The following MMEL1 variants were observed in gnomAD, a reference collection of about 807,000 sequenced individuals.
MMEL1 encodes the protein membrane metallo-endopeptidase-like 1.
A neutral mutation model predicts 117.1 loss-of-function variants in MMEL1; 98 were observed. That is an observed-to-expected ratio of 0.84 (90% CI 0.71 to 0.99). The LOEUF (loss-of-function observed/expected upper bound fraction) is 0.99, where lower values mean the gene tolerates loss of function less well. Among genes scored for constraint, MMEL1 ranks in the 50% least tolerant of loss-of-function variants. The probability of loss-of-function intolerance (pLI) is 0.00; values close to 1 mark genes in which losing one functional copy is unlikely to be tolerated. For synonymous variants in MMEL1, 390 were observed against 415.1 expected (o/e 0.94, Z 0.74); for missense variants, 1,014 against 1,049.1 (o/e 0.97, Z 0.46).
chr1:2,599,856 C>CAA (rs150372081), intron 11 of MMEL1, among the ~76,000 whole-genome samples: 4,429 of 126,436 alleles, frequency 0.035, 233 homozygotes, highest in African/African-American at 0.12. Context: ...GACTTTGTCT[C>CAA]AAAAAAAAAA....
At chr1:2,604,921 A>G (rs1644997469) in intron 9 of MMEL1, among the ~76,000 whole-genome samples, 2 of 152,110 alleles carry the variant, frequency 1.3e-5, no homozygotes, top group Admixed American at 1.3e-4. Context: ...CTTTGGCCAC[A>G]CGGCCCTTCC....
intron 6 of MMEL1, among the ~76,000 whole-genome samples, chr1:2,607,742 C>T (rs10910107): frequency 0.45 from 68,302 of 151,844 alleles, 16,829 homozygotes; most frequent in African/African-American, 0.65. Flanking sequence ...AGGGGAGGCC[C>T]GAGTGGGCTG....
At position 2,606,344 on chromosome 1, in the gene MMEL1, C is replaced by A. The variant is rs752631574; in HGVS notation, c.654G>T (p.Arg218=). ...ACTGTGAGTTCATCAGCGCCAGCTG[C>A]CGCTCCAGCTCCCACTCGAGTCCTG... ...ETVGLEWELE[R]QLALMNSQFN... The change falls in exon 8 of 24, where the codon CGG becomes CGT. Residue 218 remains arginine (R), a synonymous_variant. Coordinates refer to ENST00000378412, the MANE Select transcript of MMEL1 (RefSeq NM_033467.4). The A allele has an allele frequency of 3.1e-6, 5 of 1,612,154 alleles. No individual in the cohort carries two copies. In the East Asian group the frequency reaches 1.1e-4, roughly 36 times the overall value.
intron 1 of MMEL1, chr1:2,629,813 T>A: frequency 4.8e-6 from 1 of 208,588 alleles, no homozygotes; most frequent in Non-Finnish European, 9.1e-6. Context: ...GGGACTCCTG[T>A]AGTGGAGCCC....
intron 8 of MMEL1, among the ~76,000 whole-genome samples, chr1:2,605,860 G>C (rs1256626369): frequency 6.6e-6 from 1 of 152,100 alleles, no homozygotes; most frequent in East Asian, 1.9e-4. Flanking sequence ...GGTTCAGGCT[G>C]TCCCGGGCCT....
intron 2 of MMEL1, among the ~76,000 whole-genome samples, chr1:2,627,640 A>T (rs907251648): frequency 6.6e-6 from 1 of 152,372 alleles, no homozygotes; most frequent in Non-Finnish European, 1.5e-5. Context: ...CAATAATTTT[A>T]AAAAAGTAAC....
In MMEL1 at chr1:2,598,782, G is replaced by T. The variant is rs149350444; in HGVS notation, c.1050C>A (p.Asn350Lys). 1.9e-5 allele frequency: 30 copies of T among 1,612,752 alleles called. No homozygotes were observed. The African/African-American group carries it at 3.3e-4, about 18-fold the overall frequency. The stretch of plus-strand genomic sequence containing the variant: ...GCACAGTTTGTATGAACAGAGTCCA[G>T]TTAAATCCCTGCAGATAGAGGAAGT... ...LQSQFGLKGF[N>K]WTLFIQTVLS... Residue 350 changes from asparagine (N) to lysine (K), a missense_variant, in exon 12 of 24, where the codon AAC (asparagine) becomes AAA (lysine). Physicochemically the swap from Asn to Lys is moderately conservative, Grantham distance 94. Transcript: ENST00000378412.
At position 2,612,056 on chromosome 1, in the gene MMEL1, G is replaced by A. The variant is rs374625079; in HGVS notation, c.232+71C>T. The A allele has an allele frequency of 5.8e-5, 77 of 1,332,082 alleles. 1 individual carries two copies. The highest frequency in any genetic ancestry group is 4.8e-4 in the South Asian group (38 of 79,456). 82.5% of individuals were successfully genotyped at this position (1,332,082 alleles called of 1,614,324 possible). A position where few individuals can be genotyped will look rare whatever the true frequency, so the allele number is the denominator to read the frequency against. ...CAGAACCCAGCCCCTGCCCCTCCAC[G>A]GAGTCCCCCCACCTTGGGAGGCCAG... On this transcript the variant is annotated intron_variant, in intron 3 of 23. Coordinates refer to ENST00000378412, the MANE Select transcript of MMEL1 (RefSeq NM_033467.4). The surrounding 1 kb of genome is among the most constrained non-coding windows in gnomAD (Gnocchi z 5.4).
intron 1 of MMEL1, among the ~76,000 whole-genome samples, chr1:2,630,689 G>A (rs959888453): frequency 4.0e-4 from 60 of 151,248 alleles, no homozygotes; most frequent in African/African-American, 1.4e-3. Context: ...GTGTGTGCGT[G>A]TACACTCGTG....
Position 2,591,061 on chromosome 1 carries a change from C to T in MMEL1, c.2269G>A (p.Ala757Thr), listed in dbSNP as rs767687916. The T allele has an allele frequency of 2.7e-5, 44 of 1,605,334 alleles. No homozygotes were observed. The highest frequency in any genetic ancestry group is 1.5e-4 in the Admixed American group (9 of 58,858). The change falls in exon 24 of 24, where the codon GCC (alanine) becomes ACC (threonine). Residue 757 changes from alanine (A) to threonine (T), a missense_variant. By Grantham distance (58) the Ala-to-Thr change is moderately conservative. Transcript: ENST00000378412. ...GCACAGTGGAACGTGTCTGCGAAGG[C>T]GGCCAGGTTCTGCAGCGACCCCAGT... is the stretch of plus-strand genomic sequence containing the variant. ...RVLGSLQNLA[A>T]FADTFHCARG...
chr1:2,595,461 G>T lies in MMEL1; in HGVS notation c.1501-102C>A. On this transcript the variant is annotated intron_variant, in intron 15 of 23. Transcript: ENST00000378412. This position sits in a 1 kb window ranked among gnomAD's most constrained non-coding sequence, Gnocchi z 4.8. ...CACACTGTGGGAGGGGTCAGCCCGG[G>T]GCATCCTGGCTGTGCTCTCCCTGTC... is the stretch of plus-strand genomic sequence containing the variant. The T allele has an allele frequency of 1.0e-6, 1 of 966,998 alleles. No individual in the cohort carries two copies. The highest frequency in any genetic ancestry group is 1.6e-6 in the Non-Finnish European group (1 of 610,436). The allele number at this position is 966,998 out of a possible 1,614,324, so 59.9% of individuals were successfully genotyped here. A position where few individuals can be genotyped will look rare whatever the true frequency, so the allele number is the denominator to read the frequency against.
chr1:2,611,252 G>C, intron 4 of MMEL1, 29 bp downstream of exon 4: 1 of 1,563,360 alleles, frequency 6.4e-7, no homozygotes, highest in Non-Finnish European at 8.7e-7. Flanking sequence ...CCTTGGGCAG[G>C]CTGTGGACGG....
In MMEL1 at chr1:2,607,027, A is replaced by C. The variant is rs1256952398; in HGVS notation, c.578T>G (p.Leu193Trp). 6.2e-7 allele frequency: 1 copy of C among 1,613,470 alleles called. No homozygotes were observed. The highest frequency in any genetic ancestry group is 8.5e-7 in the Non-Finnish European group (1 of 1,179,974). The change falls in exon 7 of 24, where the codon TTG becomes TGG. Residue 193 changes from leucine (L) to tryptophan (W), a missense_variant. Physicochemically the swap from Leu to Trp is moderately conservative, Grantham distance 61. Transcript: ENST00000378412. ...KRGSQPLLDI[L>W]EVVGGWPVAM... ...CACCGGCCAGCCTCCCACCACCTCC[A>C]AGATGTCCAGCAGGGGCTGAGAGCC...
At chr1:2,611,504 T>C (rs777301388) in intron 3 of MMEL1, 164 bp from the exon 4 acceptor site, 44 of 508,788 alleles carry the variant, frequency 8.6e-5, no homozygotes, top group Non-Finnish European at 1.3e-4. Flanking sequence ...CTGAAGCCAG[T>C]AGGGCAAGGC....
chr1:2,602,738 C>T (rs148521286), intron 11 of MMEL1, among the ~76,000 whole-genome samples: 1,602 of 152,332 alleles, frequency 0.011, 34 homozygotes, highest in African/African-American at 0.036. Flanking sequence ...TCTCTAGCCC[C>T]GGTGCTCATT....
intron 11 of MMEL1, among the ~76,000 whole-genome samples, chr1:2,602,376 G>A (rs1382074662): frequency 6.6e-6 from 1 of 152,092 alleles, no homozygotes; most frequent in Non-Finnish European, 1.5e-5. Context: ...GCTCCTGGAC[G>A]CTCCCCTGAA....
rs985411058 is a variant in MMEL1 at position 2,590,691 on chromosome 1, C to A, written c.*299G>T. 1.4e-5 allele frequency: 5 copies of A among 360,150 alleles called. No individual in the cohort carries two copies. The highest frequency in any genetic ancestry group is 2.5e-5 in the Non-Finnish European group (5 of 201,236). 22.3% of individuals were successfully genotyped at this position (360,150 alleles called of 1,614,324 possible). On this transcript the variant is annotated 3_prime_UTR_variant, in exon 24 of 24. Transcript: ENST00000378412. ...GTCTGAAGCTGTAGATACTGGAAGA[C>A]AATGCACCTTGGAGGGTGGGCAGGA...
At position 2,590,909 on chromosome 1, in the gene MMEL1, G is replaced by A. The variant is rs1644676028; in HGVS notation, c.*81C>T. ...GGTTGGCCGGGGCGGGACGTACACT[G>A]GGTCGCCGCTAGCTGCACCTTCGCA... On this transcript the variant is annotated 3_prime_UTR_variant, in exon 24 of 24. Coordinates refer to ENST00000378412, the MANE Select transcript of MMEL1 (RefSeq NM_033467.4). The A allele has an allele frequency of 2.7e-6, 3 of 1,131,132 alleles. No individual in the cohort carries two copies. In the South Asian group the frequency reaches 6.9e-5, roughly 26 times the overall value. 70.1% of individuals were successfully genotyped at this position (1,131,132 alleles called of 1,614,324 possible). A position where few individuals can be genotyped will look rare whatever the true frequency, so the allele number is the denominator to read the frequency against.
At chr1:2,620,946 C>T (rs1009349844) in intron 2 of MMEL1, among the ~76,000 whole-genome samples, 2 of 152,038 alleles carry the variant, frequency 1.3e-5, no homozygotes, top group Non-Finnish European at 2.9e-5. Flanking sequence ...CCCATTATAC[C>T]CTCTTCCCAT....
Sources: allele counts gnomAD v4.1 joint callset (sites outside exome capture counted in the v4.1 genomes callset), GRCh38; gene constraint gnomAD v4.1.1; non-coding constraint Gnocchi (gnomAD v3.1); transcripts MANE v1.5; gene names NCBI Gene and HGNC (gene_info 2026-07-23, HGNC 2026-07-21).